Variants in STAU2 observed in about 807,000 individuals in gnomAD.
The protein encoded by STAU2 is double-stranded RNA-binding protein Staufen homolog 2.
STAU2 carries 20 observed loss-of-function variants against 65.9 expected under a neutral mutation model. The observed-to-expected ratio is 0.30, with a 90% CI of 0.21 to 0.44. STAU2 has a LOEUF of 0.44. Among genes scored for constraint, STAU2 ranks in the 20% least tolerant of loss-of-function variants. STAU2 has a pLI of 1.00. For synonymous variants in STAU2, 232 were observed against 233.9 expected, an observed-to-expected ratio of 0.99 and a Z score of 0.07; for missense variants, 558 against 683.9, an observed-to-expected ratio of 0.82 and a Z score of 2.05.
chr8:73,694,078 A>C (rs1332136378), intron 4 of STAU2, among the ~76,000 whole-genome samples: 1 of 152,386 alleles, frequency 6.6e-6, no homozygotes, highest in East Asian at 1.9e-4. Context: ...AGTGGATTCC[A>C]GAGTAAAGAC....
intron 6 of STAU2, among the ~76,000 whole-genome samples, chr8:73,645,780 G>A (rs1815326358): frequency 6.6e-6 from 1 of 152,136 alleles, no homozygotes; most frequent in Non-Finnish European, 1.5e-5. Context: ...GGGGAAGCAG[G>A]CACATCTTAC....
At chr8:73,496,472 G>GCC (rs1188578737) in intron 13 of STAU2, among the ~76,000 whole-genome samples, 233 of 151,726 alleles carry the variant, frequency 1.5e-3, no homozygotes, top group African/African-American at 5.6e-3. Context: ...GCCTGGGTCT[G>GCC]AGTATCAGCT....
chr8:73,454,180 CA>C (rs1386700634), intron 13 of STAU2, among the ~76,000 whole-genome samples: 1 of 152,162 alleles, frequency 6.6e-6, no homozygotes, highest in Non-Finnish European at 1.5e-5. Context: ...CCCAATCTAG[CA>C]GTCACAAATT....
intron 13 of STAU2, chr8:73,549,518 T>C: frequency 2.0e-6 from 1 of 498,902 alleles, no homozygotes; most frequent in Non-Finnish European, 2.6e-6. Context: ...ATACCTACAT[T>C]CAGTTGATCA....
At chr8:73,529,943 G>A (rs1805699017) in intron 13 of STAU2, among the ~76,000 whole-genome samples, 1 of 152,186 alleles carries the variant, frequency 6.6e-6, no homozygotes, top group South Asian at 2.1e-4. Context: ...TAACTAAGTA[G>A]ACTGTAAAAG....
chr8:73,717,711 G>A (rs554283478), intron 3 of STAU2, among the ~76,000 whole-genome samples: 178 of 152,144 alleles, frequency 1.2e-3, no homozygotes, highest in Non-Finnish European at 1.9e-3. Flanking sequence ...GCAGTGGCGC[G>A]ATCTCAGCTC....
intron 13 of STAU2, among the ~76,000 whole-genome samples, chr8:73,437,751 G>A (rs1400190066): frequency 6.6e-6 from 1 of 152,176 alleles, no homozygotes; most frequent in Non-Finnish European, 1.5e-5. Flanking sequence ...CTGGGCCTGA[G>A]AAGAGCGGCC....
At chr8:73,624,279 T>C (rs547202670) in intron 6 of STAU2, among the ~76,000 whole-genome samples, 113 of 152,324 alleles carry the variant, frequency 7.4e-4, no homozygotes, top group African/African-American at 2.6e-3. Context: ...AAGTAACTTG[T>C]ACTGTATCAC....
At chr8:73,469,075 A>C (rs1819822629) in intron 13 of STAU2, among the ~76,000 whole-genome samples, 1 of 152,198 alleles carries the variant, frequency 6.6e-6, no homozygotes, top group Non-Finnish European at 1.5e-5. Context: ...ACAATGATAG[A>C]CTGGATTAAG....
chr8:73,609,648 G>A (rs1431684056), intron 9 of STAU2, among the ~76,000 whole-genome samples: 1 of 151,926 alleles, frequency 6.6e-6, no homozygotes, highest in Non-Finnish European at 1.5e-5. Context: ...GCGAGACCCT[G>A]TCTCAATTAA....
upstream of STAU2, chr8:73,747,380 C>T (rs913763874): frequency 6.5e-7 from 1 of 1,535,424 alleles, no homozygotes; most frequent in Non-Finnish European, 8.7e-7. Flanking sequence ...TGATTCCCCG[C>T]TCGTACCTTT....
At chr8:73,424,726 G>A (rs1173875380) in intron 13 of STAU2, among the ~76,000 whole-genome samples, 1 of 151,476 alleles carries the variant, frequency 6.6e-6, no homozygotes, top group Non-Finnish European at 1.5e-5. Context: ...CTTCTCTCTT[G>A]CTTTTCTATT....
At chr8:73,651,412 G>C in intron 6 of STAU2, 2 of 666,876 alleles carry the variant, frequency 3.0e-6, no homozygotes, top group Non-Finnish European at 5.6e-6. Flanking sequence ...CGGAGGTCCA[G>C]ATAAAAACCT....
At chr8:73,592,868 A>G (rs1362571027) in intron 11 of STAU2, among the ~76,000 whole-genome samples, 1 of 149,242 alleles carries the variant, frequency 6.7e-6, no homozygotes, top group Non-Finnish European at 1.5e-5. Context: ...CAAAAAAACA[A>G]CAAAAAAATC....
At chr8:73,661,552 T>C (rs898168923) in intron 6 of STAU2, among the ~76,000 whole-genome samples, 1 of 152,132 alleles carries the variant, frequency 6.6e-6, no homozygotes. Flanking sequence ...AAAATGAAAA[T>C]ACAGAACATT....
chr8:73,424,061 A>G (rs1323413180), intron 13 of STAU2, among the ~76,000 whole-genome samples: 1 of 83,974 alleles, frequency 1.2e-5, no homozygotes, highest in Non-Finnish European at 2.5e-5. Flanking sequence ...ACCTCCCCCC[A>G]CCCCCACCAG....
chr8:73,488,002 G>C (rs1261757091), intron 13 of STAU2, among the ~76,000 whole-genome samples: 1 of 151,928 alleles, frequency 6.6e-6, no homozygotes, highest in East Asian at 1.9e-4. Flanking sequence ...AAAACATTTT[G>C]TGTGGCTCAA....
At chr8:73,430,657 G>A (rs1270757531) in intron 13 of STAU2, among the ~76,000 whole-genome samples, 2 of 152,184 alleles carry the variant, frequency 1.3e-5, no homozygotes, top group Non-Finnish European at 2.9e-5. Flanking sequence ...ATATAATGTA[G>A]TGGCTTTGTG....
At chr8:73,627,465 T>C (rs1813771796) in intron 6 of STAU2, among the ~76,000 whole-genome samples, 1 of 152,128 alleles carries the variant, frequency 6.6e-6, no homozygotes, top group Admixed American at 6.5e-5. Flanking sequence ...TGTTTGTGAA[T>C]ACAAAGGCTT....
Sources: gnomAD v4.1 joint callset for allele counts (sites outside exome capture counted in the v4.1 genomes callset) on GRCh38, gnomAD v4.1.1 for gene constraint, MANE v1.5 for transcripts, NCBI Gene and HGNC (gene_info 2026-07-23, HGNC 2026-07-21) for gene names.